Variants in SBF2 observed in about 807,000 individuals in gnomAD.
SBF2 encodes the protein SET binding factor 2, also known as myotubularin-related protein 13.
Under a neutral mutation model 225.2 loss-of-function variants are expected in SBF2, and 112 were observed. The ratio of observed to expected loss-of-function variants is 0.50; its 90% CI spans 0.43 to 0.58. SBF2 has a LOEUF of 0.58. Among genes scored for constraint, SBF2 ranks in the 20% least tolerant of loss-of-function variants. The probability of loss-of-function intolerance (pLI) is 0.00; values close to 1 mark genes in which losing one functional copy is unlikely to be tolerated. For synonymous variants in SBF2, 763 were observed against 773.3 expected (o/e 0.99, Z 0.22); for missense variants, 1,996 against 2,206.2 (o/e 0.90, Z 1.91).
intron 1 of SBF2, among the ~76,000 whole-genome samples, chr11:10,249,082 C>A (rs963349994): frequency 2.7e-5 from 4 of 149,702 alleles, no homozygotes; most frequent in African/African-American, 9.9e-5. Flanking sequence ...GGTGACAGAG[C>A]AAGACTCCGT....
intron 2 of SBF2, among the ~76,000 whole-genome samples, chr11:10,059,802 G>T (rs1950366783): frequency 6.6e-6 from 1 of 152,078 alleles, no homozygotes; most frequent in Admixed American, 6.5e-5. Context: ...ATGAAATTGA[G>T]GCAGAAATAA....
chr11:9,939,376 G>A (rs553754796), intron 16 of SBF2, among the ~76,000 whole-genome samples: 5 of 152,254 alleles, frequency 3.3e-5, no homozygotes, highest in South Asian at 2.1e-4. Context: ...TATTACAGGC[G>A]TGAGCCACTG....
At chr11:10,028,695 A>G in intron 5 of SBF2, 138 bp from the exon 6 acceptor site, 3 of 683,848 alleles carry the variant, frequency 4.4e-6, no homozygotes, top group Middle Eastern at 2.4e-4. Flanking sequence ...GCAACAATGT[A>G]TATCCCAAAA....
rs150461867 is a variant in SBF2 at position 10,028,326 on chromosome 11, A to T, written c.619+126T>A. 5.0e-4 allele frequency: 342 copies of T among 690,772 alleles called. 1 individual carries two copies. In the African/African-American group the frequency reaches 5.3e-3, roughly 11 times the overall value. The allele number at this position is 690,772 out of a possible 1,614,324, so 42.8% of individuals were successfully genotyped here. A position where few individuals can be genotyped will look rare whatever the true frequency, so the allele number is the denominator to read the frequency against. On this transcript the variant is annotated intron_variant, in intron 6 of 39. Coordinates refer to ENST00000256190, the MANE Select transcript of SBF2 (RefSeq NM_030962.4). The stretch of plus-strand genomic sequence containing the variant: ...GGACCCACAAAATTATATATCTCCT[A>T]TATATAAAATATTTAATGGTTTAAA...
chr11:10,062,712 A>C (rs915635994), intron 2 of SBF2, among the ~76,000 whole-genome samples: 1 of 152,230 alleles, frequency 6.6e-6, no homozygotes, highest in African/African-American at 2.4e-5. Context: ...GGTTGTGGAG[A>C]AAAGAGAACC....
At chr11:9,907,659 C>T (rs1308228224) in intron 16 of SBF2, among the ~76,000 whole-genome samples, 1 of 152,164 alleles carries the variant, frequency 6.6e-6, no homozygotes, top group African/African-American at 2.4e-5. Flanking sequence ...CTAGGCTTGA[C>T]AAATAATATC....
At chr11:10,061,515 C>T (rs1193768581) in intron 2 of SBF2, among the ~76,000 whole-genome samples, 3 of 152,048 alleles carry the variant, frequency 2.0e-5, no homozygotes, top group South Asian at 4.2e-4. Context: ...AATCAATATA[C>T]GAAAATCACT....
chr11:10,135,485 T>C (rs1434387737), intron 2 of SBF2, among the ~76,000 whole-genome samples: 2 of 152,310 alleles, frequency 1.3e-5, no homozygotes, highest in South Asian at 2.1e-4. Flanking sequence ...CATCTGAACG[T>C]TTATGCTCTG....
At chr11:9,792,940 T>G (rs1234639926) in intron 33 of SBF2, among the ~76,000 whole-genome samples, 4 of 56,532 alleles carry the variant, frequency 7.1e-5, no homozygotes, top group Admixed American at 3.3e-4. Flanking sequence ...TGTGTGTGTG[T>G]TTTTTTTTTT....
At chr11:9,875,834 A>T (rs1201221405) in intron 17 of SBF2, among the ~76,000 whole-genome samples, 1 of 152,236 alleles carries the variant, frequency 6.6e-6, no homozygotes, top group Non-Finnish European at 1.5e-5. Flanking sequence ...GAAGCTGCAC[A>T]TCTGCTGGTG....
At chr11:10,125,038 G>A (rs1565257243) in intron 2 of SBF2, among the ~76,000 whole-genome samples, 2 of 150,976 alleles carry the variant, frequency 1.3e-5, no homozygotes, top group Non-Finnish European at 2.9e-5. Flanking sequence ...AACCCGGGAG[G>A]CGGAGGTTGC....
rs1052754093 is a variant in SBF2 at position 9,850,866 on chromosome 11, T to C, written c.2611-648A>G. Among the ~76,000 whole-genome samples, 3 of 152,208 alleles carry C rather than the reference T, an allele frequency of 2.0e-5. 1 individual carries two copies. The highest frequency in any genetic ancestry group is 4.4e-5 in the Non-Finnish European group (3 of 68,034). On this transcript the variant is annotated intron_variant, in intron 21 of 39. Coordinates refer to ENST00000256190, the MANE Select transcript of SBF2 (RefSeq NM_030962.4). Reference sequence around the variant, plus strand: ...AAAATATCCAGAAGGCTGGGTGCAGTGGCTCACGCCTGTAATCCCAGCACT... The same window carrying C: ...AAAATATCCAGAAGGCTGGGTGCAGCGGCTCACGCCTGTAATCCCAGCACT...
intron 2 of SBF2, among the ~76,000 whole-genome samples, chr11:10,094,157 T>G (rs1402814151): frequency 2.0e-5 from 3 of 151,962 alleles, no homozygotes; most frequent in Non-Finnish European, 4.4e-5. Context: ...ATGGTGAAAC[T>G]CTGTCTCTAC....
chr11:9,840,491 T>C (rs1201477463), intron 25 of SBF2, among the ~76,000 whole-genome samples: 5 of 152,184 alleles, frequency 3.3e-5, no homozygotes, highest in African/African-American at 4.8e-5. Flanking sequence ...AAAAACAATA[T>C]AATTTTGAAT....
intron 16 of SBF2, among the ~76,000 whole-genome samples, chr11:9,922,661 TG>T (rs1425390096): frequency 3.9e-5 from 6 of 152,228 alleles, no homozygotes; most frequent in Non-Finnish European, 4.4e-5. Flanking sequence ...TGTAGTGTAC[TG>T]AAAAAAGCAC....
At chr11:10,065,561 T>G (rs1390289846) in intron 2 of SBF2, among the ~76,000 whole-genome samples, 2 of 152,142 alleles carry the variant, frequency 1.3e-5, no homozygotes, top group Non-Finnish European at 2.9e-5. Context: ...ATCACTAGAA[T>G]TTCTATAGCT....
chr11:10,253,847 C>T (rs1244121924), intron 1 of SBF2, among the ~76,000 whole-genome samples: 1 of 151,930 alleles, frequency 6.6e-6, no homozygotes, highest in Non-Finnish European at 1.5e-5. Context: ...TAGGTAAGCA[C>T]TGAGTGAAAA....
chr11:9,792,719 C>T (rs914748899), intron 33 of SBF2, among the ~76,000 whole-genome samples: 4 of 151,724 alleles, frequency 2.6e-5, no homozygotes, highest in South Asian at 4.2e-4. Context: ...ACTGAGGCTT[C>T]GGCAATGACA....
chr11:9,878,787 C>T (rs1304408035), intron 17 of SBF2, among the ~76,000 whole-genome samples: 1 of 152,170 alleles, frequency 6.6e-6, no homozygotes, highest in African/African-American at 2.4e-5. Flanking sequence ...ATAAAACCAG[C>T]TAACTCCACA....
Sources: allele counts gnomAD v4.1 joint callset (sites outside exome capture counted in the v4.1 genomes callset), GRCh38; gene constraint gnomAD v4.1.1; transcripts MANE v1.5; gene names NCBI Gene and HGNC (gene_info 2026-07-23, HGNC 2026-07-21).